Variants in MYBPC1 observed in about 807,000 individuals in gnomAD.
MYBPC1 encodes myosin binding protein C1.
A neutral mutation model predicts 147.1 loss-of-function variants in MYBPC1; 52 were observed. That is an observed-to-expected ratio of 0.35 (90% CI 0.28 to 0.45). The LOEUF (loss-of-function observed/expected upper bound fraction) is 0.45, where lower values mean the gene tolerates loss of function less well. Among genes scored for constraint, MYBPC1 ranks in the 20% least tolerant of loss-of-function variants. The probability of loss-of-function intolerance (pLI) is 1.00; values close to 1 mark genes in which losing one functional copy is unlikely to be tolerated. For missense variants in MYBPC1, 1,228 were observed against 1,440.3 expected (o/e 0.85, Z 2.39); for synonymous variants, 477 against 475.9 (o/e 1.00, Z -0.03).
chr12:101,631,882 G>A (rs954370937), intron 7 of MYBPC1, 139 bp from the exon 8 acceptor site: 33 of 1,277,302 alleles, frequency 2.6e-5, no homozygotes, highest in South Asian at 7.3e-5. Context: ...GGCTGTGTCC[G>A]GGGGCTACAG....
At chr12:101,623,979 G>T (rs765431438) in intron 3 of MYBPC1, among the ~76,000 whole-genome samples, 6 of 152,158 alleles carry the variant, frequency 3.9e-5, no homozygotes, top group African/African-American at 7.2e-5. Flanking sequence ...AATTCAAAAT[G>T]AACTAAGTTT....
intron 6 of MYBPC1, among the ~76,000 whole-genome samples, 178 bp from the exon 7 acceptor site, chr12:101,631,393 G>A (rs1593781602): frequency 6.6e-6 from 1 of 152,064 alleles, no homozygotes; most frequent in African/African-American, 2.4e-5. Flanking sequence ...AACAAGCTGG[G>A]ACAGCCTAAG....
chr12:101,684,482 G>T, intron 31 of MYBPC1, 58 bp downstream of exon 31: 1 of 1,304,670 alleles, frequency 7.7e-7, no homozygotes, highest in South Asian at 1.2e-5. Context: ...GCCATACCAA[G>T]CCTGTGGAGT....
rs1452811885 is a variant in MYBPC1, at chr12:101,651,402, G to C, written c.1526+9G>C. 11 of 1,613,944 alleles carry C rather than the reference G, an allele frequency of 6.8e-6. No individual in the cohort carries two copies. The highest frequency in any genetic ancestry group is 9.3e-6 in the Non-Finnish European group (11 of 1,179,840). ...GTGGTTCACAAGGGAAGGTAAGCGA[G>C]CCAGGTGACCCGCAAGTGAGGTTTG... is the stretch of plus-strand genomic sequence containing the variant. On this transcript the variant is annotated intron_variant, in intron 16 of 31. Coordinates refer to ENST00000361466, the MANE Select transcript of MYBPC1 (RefSeq NM_002465.4).
chr12:101,627,905 A>G, intron 5 of MYBPC1, 101 bp downstream of exon 5: 1 of 1,353,180 alleles, frequency 7.4e-7, no homozygotes, highest in Non-Finnish European at 1.1e-6. Flanking sequence ...TGTCTTATTC[A>G]GATTGTAGTT....
Position 101,629,515 on chromosome 12 carries a change from A to G in MYBPC1, c.260A>G (p.Glu87Gly). ...ANSQLSILFI[E>G]KPQGGTVKVG... ...TCCCAGCTGTCCATCTTGTTCATTG[A>G]AAAACCTCAAGGAGGAACAGTGAAA... The change falls in exon 6 of 32, where the codon GAA (glutamate) becomes GGA (glycine). Residue 87 changes from glutamate to glycine, a missense_variant. Physicochemically the swap from Glu to Gly is moderately conservative, Grantham distance 98. Coordinates refer to ENST00000361466, the MANE Select transcript of MYBPC1 (RefSeq NM_002465.4). 6.2e-7 allele frequency: 1 copy of G among 1,613,754 alleles called. No homozygotes were observed. The highest frequency in any genetic ancestry group is 8.5e-7 in the Non-Finnish European group (1 of 1,179,700).
chr12:101,665,157 C>T (rs1053814279), intron 22 of MYBPC1, among the ~76,000 whole-genome samples: 6 of 151,882 alleles, frequency 4.0e-5, no homozygotes, highest in African/African-American at 7.3e-5. Flanking sequence ...CAAAATTTTG[C>T]GTGTGGTCTG....
Position 101,632,057 on chromosome 12 carries a change from G to A in MYBPC1, c.475G>A (p.Asp159Asn), listed in dbSNP as rs747919254. Residue 159 changes from aspartate (D) to asparagine (N), a missense_variant, in exon 8 of 32, where the codon GAT (aspartate) becomes AAT (asparagine). Physicochemically the swap from Asp to Asn is conservative, Grantham distance 23. Coordinates refer to ENST00000361466, the MANE Select transcript of MYBPC1 (RefSeq NM_002465.4). The stretch of plus-strand genomic sequence containing the variant: ...TGAGATGCAGATCATCAAGGCCAAA[G>A]ATAACTTTGCAGGAAATTACAGATG... ...TFEMQIIKAK[D>N]NFAGNYRCEV... 2 of 1,613,914 alleles carry A rather than the reference G, an allele frequency of 1.2e-6. No individual in the cohort carries two copies. Among genetic ancestry groups the A allele is most frequent in the African/African-American group, 1.3e-5 (1 of 74,936 alleles).
chr12:101,669,122 C>T (rs1401740580), intron 23 of MYBPC1, among the ~76,000 whole-genome samples: 1 of 152,110 alleles, frequency 6.6e-6, no homozygotes, highest in African/African-American at 2.4e-5. Context: ...TAATAACTTT[C>T]ATCAAATCTT....
At chr12:101,633,668 C>T (rs147870494) in intron 8 of MYBPC1, among the ~76,000 whole-genome samples, 1,867 of 150,012 alleles carry the variant, frequency 0.012, 55 homozygotes, top group African/African-American at 0.043. Context: ...GCCTGGGCAA[C>T]AGAGTGAGAC....
At chr12:101,692,414 G>A in the MYBPC1 span, among the ~76,000 whole-genome samples, 1 of 152,132 alleles carries the variant, frequency 6.6e-6, no homozygotes. Flanking sequence ...TTATTAGGTG[G>A]CATTTTGCAG....
At chr12:101,682,470 A>C in intron 29 of MYBPC1, 134 bp from the exon 30 acceptor site, 1 of 792,264 alleles carries the variant, frequency 1.3e-6, no homozygotes, top group Non-Finnish European at 2.1e-6. Flanking sequence ...TGGTCCTAAA[A>C]GTAAAGCTGA....
At chr12:101,678,278 T>G in intron 28 of MYBPC1, 40 bp downstream of exon 28, 1 of 1,607,994 alleles carries the variant, frequency 6.2e-7, no homozygotes, top group Non-Finnish European at 8.5e-7. Flanking sequence ...AGTCCCTGTC[T>G]TGTATTTGTT....
At chr12:101,620,975 A>C (rs984623480) in intron 3 of MYBPC1, among the ~76,000 whole-genome samples, 1 of 152,168 alleles carries the variant, frequency 6.6e-6, no homozygotes, top group Non-Finnish European at 1.5e-5. Context: ...CCTGAGATGA[A>C]GTCTTTCTTT....
rs112618106 is a variant in MYBPC1 at position 101,633,251 on chromosome 12, G to C, written c.556+1113G>C. ...ATCCAGCTTGAGTGTGTGGGTGAAGGAAGTCAGGCATACATGGCTTGTTGC... is the reference window on the plus strand; with the variant it reads ...ATCCAGCTTGAGTGTGTGGGTGAAGCAAGTCAGGCATACATGGCTTGTTGC... On this transcript the variant is annotated intron_variant, in intron 8 of 31. Coordinates refer to ENST00000361466, the MANE Select transcript of MYBPC1 (RefSeq NM_002465.4). Among the ~76,000 whole-genome samples, 344 of 152,314 alleles carry C rather than the reference G, an allele frequency of 2.3e-3. 1 individual carries two copies. The highest frequency in any genetic ancestry group is 7.8e-3 in the African/African-American group (324 of 41,580).
chr12:101,647,035 C>G lies in MYBPC1; in HGVS notation c.1090+148C>G, dbSNP rs138422075. 587 of 1,009,760 alleles carry G rather than the reference C, an allele frequency of 5.8e-4. 2 individuals carry two copies. The African/African-American group carries it at 8.1e-3, about 14-fold the overall frequency. The allele number at this position is 1,009,760 out of a possible 1,614,324, so 62.6% of individuals were successfully genotyped here. A position where few individuals can be genotyped will look rare whatever the true frequency, so the allele number is the denominator to read the frequency against. On this transcript the variant is annotated intron_variant, in intron 13 of 31. Transcript: ENST00000361466. Reference sequence around the variant, plus strand: ...TCTTCTGGTTTGTTGAAGACTAGAACAGCAGAGGGGAGAAAGAGAACCTGT... The same window carrying G: ...TCTTCTGGTTTGTTGAAGACTAGAAGAGCAGAGGGGAGAAAGAGAACCTGT...
At chr12:101,601,953 G>T (rs1274981358) in intron 1 of MYBPC1, among the ~76,000 whole-genome samples, 2 of 152,046 alleles carry the variant, frequency 1.3e-5, no homozygotes, top group South Asian at 2.1e-4. Context: ...GATGTCTTTA[G>T]GGTTGTTATG....
intron 29 of MYBPC1, 92 bp downstream of exon 29, chr12:101,680,621 T>A: frequency 6.6e-7 from 1 of 1,522,636 alleles, no homozygotes; most frequent in East Asian, 2.3e-5. Context: ...TCCAAATTGC[T>A]TGCCAAAATG....
At chr12:101,642,862 C>A (rs1022568543) in intron 11 of MYBPC1, among the ~76,000 whole-genome samples, 16 of 152,276 alleles carry the variant, frequency 1.1e-4, no homozygotes, top group African/African-American at 3.9e-4. Flanking sequence ...CTCCACATCC[C>A]CACTCACTGT....
Sources: gnomAD v4.1 joint callset for allele counts (sites outside exome capture counted in the v4.1 genomes callset) on GRCh38, gnomAD v4.1.1 for gene constraint, MANE v1.5 for transcripts, NCBI Gene and HGNC (gene_info 2026-07-23, HGNC 2026-07-21) for gene names.